RBMS1: variants seen among roughly 807,000 people sequenced by gnomAD.
RBMS1 encodes RNA-binding motif, single-stranded-interacting protein 1.
Under a neutral mutation model 62.3 loss-of-function variants are expected in RBMS1, and 17 were observed. That is an observed-to-expected ratio of 0.27 (90% CI 0.19 to 0.41). The LOEUF (loss-of-function observed/expected upper bound fraction) is 0.41, where lower values mean the gene tolerates loss of function less well. Ranked by LOEUF, RBMS1 falls within the 10% of genes least tolerant of loss-of-function variation. RBMS1 has a pLI of 1.00. For synonymous variants in RBMS1, 172 were observed against 170.0 expected (o/e 1.01, Z -0.09); for missense variants, 334 against 504.5 (o/e 0.66, Z 3.24).
At chr2:160,482,003 A>T (rs948332723) in intron 1 of RBMS1, among the ~76,000 whole-genome samples, 1 of 152,240 alleles carries the variant, frequency 6.6e-6, no homozygotes, top group Non-Finnish European at 1.5e-5. Flanking sequence ...ACATGATATG[A>T]ACAAGACAAT....
At chr2:160,368,215 T>A (rs929655194) in intron 1 of RBMS1, among the ~76,000 whole-genome samples, 1 of 152,208 alleles carries the variant, frequency 6.6e-6, no homozygotes, top group East Asian at 1.9e-4. Flanking sequence ...ATGGCTCAGC[T>A]TGAGACAAAA....
At position 160,278,529 on chromosome 2, in the gene RBMS1, A is replaced by C. The variant is rs756728799; in HGVS notation, c.1062+19T>G. 1.3e-6 allele frequency: 2 copies of C among 1,584,016 alleles called. No homozygotes were observed. Among genetic ancestry groups the C allele is most frequent in the South Asian group, 2.2e-5 (2 of 90,064 alleles). ...CCTCCTCTGTTTACAGAGACACATGATAATTATTTGCCACCTACTGTTCCG... is the reference window on the plus strand; with the variant it reads ...CCTCCTCTGTTTACAGAGACACATGCTAATTATTTGCCACCTACTGTTCCG... On this transcript the variant is annotated intron_variant, in intron 11 of 13. Coordinates refer to ENST00000348849, the MANE Select transcript of RBMS1 (RefSeq NM_016836.4).
chr2:160,487,007 A>C (rs928043904), intron 1 of RBMS1, among the ~76,000 whole-genome samples: 6 of 152,228 alleles, frequency 3.9e-5, no homozygotes, highest in Non-Finnish European at 1.5e-5. Context: ...TTAACAGCAC[A>C]TTTGTAAGCA....
At chr2:160,452,763 C>T (rs749172430) in intron 1 of RBMS1, among the ~76,000 whole-genome samples, 8 of 152,138 alleles carry the variant, frequency 5.3e-5, no homozygotes, top group African/African-American at 1.7e-4. Context: ...ACAAGACAGA[C>T]GTACTACCTG....
At chr2:160,361,319 G>A (rs1407517901) in intron 2 of RBMS1, among the ~76,000 whole-genome samples, 1 of 152,186 alleles carries the variant, frequency 6.6e-6, no homozygotes, top group Non-Finnish European at 1.5e-5. Flanking sequence ...TACAAATCAG[G>A]GAGAGCCATT....
At chr2:160,351,590 CA>C (rs1190494002) in intron 2 of RBMS1, among the ~76,000 whole-genome samples, 1 of 152,010 alleles carries the variant, frequency 6.6e-6, no homozygotes, top group Non-Finnish European at 1.5e-5. Context: ...AAACTTTCAA[CA>C]AAGATGTCAA....
intron 1 of RBMS1, among the ~76,000 whole-genome samples, chr2:160,429,980 C>G (rs552479677): frequency 6.6e-6 from 1 of 152,376 alleles, no homozygotes; most frequent in East Asian, 1.9e-4. Context: ...GAAATCTGGG[C>G]TAGTCTGCCT....
chr2:160,334,046 A>C (rs191700683), intron 2 of RBMS1, among the ~76,000 whole-genome samples: 59 of 152,256 alleles, frequency 3.9e-4, no homozygotes, highest in Non-Finnish European at 7.1e-4. Context: ...TTTTTTGACA[A>C]TGATTATTTT....
intron 1 of RBMS1, among the ~76,000 whole-genome samples, chr2:160,397,774 T>G (rs1297461480): frequency 6.6e-6 from 1 of 152,194 alleles, no homozygotes; most frequent in Non-Finnish European, 1.5e-5. Flanking sequence ...GGCCCTTTAC[T>G]AGGCTTTTGT....
intron 2 of RBMS1, among the ~76,000 whole-genome samples, chr2:160,319,483 C>T (rs537462436): frequency 5.0e-4 from 76 of 152,142 alleles, no homozygotes; most frequent in Admixed American, 1.4e-3. Context: ...CTGCACTCCA[C>T]CCTGGGCGAC....
chr2:160,293,083 G>A (rs1157928149), intron 6 of RBMS1, among the ~76,000 whole-genome samples: 1 of 152,174 alleles, frequency 6.6e-6, no homozygotes, highest in Non-Finnish European at 1.5e-5. Flanking sequence ...TGCACATCCT[G>A]AAGGTACCAG....
chr2:160,357,599 A>G (rs988170367), intron 2 of RBMS1, among the ~76,000 whole-genome samples: 1 of 152,178 alleles, frequency 6.6e-6, no homozygotes, highest in Non-Finnish European at 1.5e-5. Context: ...CCTGACGTGC[A>G]GTTATGCTTA....
chr2:160,379,823 G>GA (rs1322917142), intron 1 of RBMS1, among the ~76,000 whole-genome samples: 1 of 152,016 alleles, frequency 6.6e-6, no homozygotes, highest in Non-Finnish European at 1.5e-5. Flanking sequence ...GCTAGTTATT[G>GA]AAAATGTCAA....
intron 2 of RBMS1, among the ~76,000 whole-genome samples, chr2:160,333,110 C>A (rs1331849578): frequency 6.6e-6 from 1 of 151,952 alleles, no homozygotes; most frequent in African/African-American, 2.4e-5. Flanking sequence ...GCAGACCTCA[C>A]CCCAGAGGCT....
chr2:160,292,485 T>C (rs1459695636), intron 6 of RBMS1, among the ~76,000 whole-genome samples: 1 of 152,198 alleles, frequency 6.6e-6, no homozygotes, highest in Non-Finnish European at 1.5e-5. Context: ...GGGACTGGCC[T>C]GTTATCCATG....
intron 1 of RBMS1, among the ~76,000 whole-genome samples, chr2:160,482,648 TA>T (rs1363099773): frequency 1.3e-5 from 2 of 152,226 alleles, no homozygotes. Flanking sequence ...AAGACTCCTT[TA>T]AAATTCCCAG....
At chr2:160,374,516 A>G (rs964272386) in intron 1 of RBMS1, among the ~76,000 whole-genome samples, 6 of 152,244 alleles carry the variant, frequency 3.9e-5, no homozygotes, top group African/African-American at 1.4e-4. Flanking sequence ...ACAGGTTACC[A>G]GAATCTCACA....
chr2:160,470,830 T>A (rs903959112), intron 1 of RBMS1, among the ~76,000 whole-genome samples: 5 of 152,222 alleles, frequency 3.3e-5, no homozygotes, highest in Non-Finnish European at 7.3e-5. Context: ...ATGAATGTTA[T>A]AATGTAAGAA....
At chr2:160,298,338 G>A (rs1213555908) in intron 6 of RBMS1, among the ~76,000 whole-genome samples, 1 of 152,078 alleles carries the variant, frequency 6.6e-6, no homozygotes, top group African/African-American at 2.4e-5. Context: ...GTTCTGGAGA[G>A]GATGAATATA....
Sources: gnomAD v4.1 joint callset for allele counts (sites outside exome capture counted in the v4.1 genomes callset) on GRCh38, gnomAD v4.1.1 for gene constraint, MANE v1.5 for transcripts, NCBI Gene and HGNC (gene_info 2026-07-23, HGNC 2026-07-21) for gene names.